The following LONP2 variants were observed in gnomAD, a reference collection of about 807,000 sequenced individuals.
LONP2 encodes lon peptidase 2, peroxisomal, also known as lon protease homolog 2, peroxisomal.
A neutral mutation model predicts 85.6 loss-of-function variants in LONP2; 60 were observed. The observed-to-expected ratio is 0.70, with a 90% CI of 0.57 to 0.87. The LOEUF (loss-of-function observed/expected upper bound fraction) is 0.87. LONP2 is among the 40% of genes least tolerant of loss of function. LONP2 has a pLI of 0.00. For synonymous variants in LONP2, 395 were observed against 389.7 expected (o/e 1.01, Z -0.16); for missense variants, 860 against 1,063.5 (o/e 0.81, Z 2.66).
chr16:48,303,616 G>A (rs754291908), intron 11 of LONP2, among the ~76,000 whole-genome samples: 1 of 152,160 alleles, frequency 6.6e-6, no homozygotes, highest in East Asian at 1.9e-4. Flanking sequence ...AGTTTAAGGA[G>A]TATTAACTCA....
At chr16:48,251,970 A>G (rs1971662306) in intron 1 of LONP2, among the ~76,000 whole-genome samples, 161 bp from the exon 2 acceptor site, 1 of 152,264 alleles carries the variant, frequency 6.6e-6, no homozygotes, top group Non-Finnish European at 1.5e-5. Context: ...GTGGCAGAAG[A>G]GGCCACATAC....
intron 11 of LONP2, among the ~76,000 whole-genome samples, chr16:48,318,215 C>A (rs1973186279): frequency 1.3e-5 from 2 of 152,086 alleles, no homozygotes; most frequent in South Asian, 2.1e-4. Flanking sequence ...TTCCAGACAA[C>A]CTCAATTTAA....
chr16:48,288,992 A>G (rs1972506128), intron 8 of LONP2, among the ~76,000 whole-genome samples: 1 of 152,196 alleles, frequency 6.6e-6, no homozygotes, highest in Non-Finnish European at 1.5e-5. Flanking sequence ...TTCTAATTAG[A>G]TAATTGTTTT....
chr16:48,362,267 T>C (rs377204678), downstream of LONP2: 61 of 1,614,032 alleles, frequency 3.8e-5, no homozygotes, highest in Middle Eastern at 3.3e-4. The surrounding 1 kb of genome is among the most constrained non-coding windows in gnomAD (Gnocchi z 4.2). Context: ...CACTCTGACA[T>C]TGAAGAATGG....
intron 7 of LONP2, among the ~76,000 whole-genome samples, chr16:48,272,333 G>C (rs1567316964): frequency 6.6e-6 from 1 of 152,080 alleles, no homozygotes; most frequent in African/African-American, 2.4e-5. Flanking sequence ...AGAATTATGG[G>C]AAAATGCATT....
chr16:48,362,319 C>T, downstream of LONP2: 3 of 1,614,156 alleles, frequency 1.9e-6, no homozygotes, highest in Non-Finnish European at 2.5e-6. The surrounding 1 kb of genome is among the most constrained non-coding windows in gnomAD (Gnocchi z 4.2). Flanking sequence ...CTCAAAAAGA[C>T]TCGCCAAGTC....
In LONP2 at chr16:48,346,520, T is replaced by C. The variant is rs1479803059; in HGVS notation, c.1939-987T>C. ...ATGGGAAGGAACCCAGGATGTTTAT[T>C]ATGTAGTATTGTATAGTCTCTGCAG... On this transcript the variant is annotated intron_variant, in intron 12 of 14. Transcript: ENST00000285737. Among the ~76,000 whole-genome samples the C allele has an allele frequency of 5.3e-5, 8 of 152,186 alleles. No homozygotes were observed. In the South Asian group the frequency reaches 8.3e-4, roughly 16 times the overall value.
At chr16:48,295,131 G>A (rs1972639855) in intron 8 of LONP2, among the ~76,000 whole-genome samples, 1 of 152,134 alleles carries the variant, frequency 6.6e-6, no homozygotes, top group South Asian at 2.1e-4. Flanking sequence ...CAGTACTTTG[G>A]GAGACTGAGG....
chr16:48,315,881 T>G (rs1188977710), intron 11 of LONP2, among the ~76,000 whole-genome samples: 1 of 151,970 alleles, frequency 6.6e-6, no homozygotes, highest in Admixed American at 6.6e-5. Context: ...TCTGTTGCCC[T>G]GTATTCCAGT....
At chr16:48,306,476 TCTC>T in intron 11 of LONP2, among the ~76,000 whole-genome samples, 1 of 152,302 alleles carries the variant, frequency 6.6e-6, no homozygotes, top group East Asian at 1.9e-4. Context: ...TCACAGGACA[TCTC>T]CTAAAAGATA....
intron 12 of LONP2, chr16:48,334,659 T>G (rs2151024963): frequency 1.7e-6 from 1 of 597,928 alleles, no homozygotes; most frequent in Non-Finnish European, 3.2e-6. Context: ...AGGCGCAGGG[T>G]GGACTCTTTC....
chr16:48,324,360 A>C (rs1973327349), intron 11 of LONP2, among the ~76,000 whole-genome samples: 1 of 152,204 alleles, frequency 6.6e-6, no homozygotes, highest in African/African-American at 2.4e-5. Flanking sequence ...GTTGAGATGT[A>C]AACATCTCCT....
intron 1 of LONP2, 91 bp downstream of exon 1, chr16:48,244,712 T>A (rs1171395805): frequency 2.1e-6 from 2 of 966,096 alleles, no homozygotes; most frequent in African/African-American, 1.7e-5. Flanking sequence ...AGCGCGAGGC[T>A]CAGTTCGGGG....
chr16:48,292,514 AG>A (rs1404794523), intron 8 of LONP2, among the ~76,000 whole-genome samples: 2 of 152,214 alleles, frequency 1.3e-5, no homozygotes, highest in Non-Finnish European at 2.9e-5. Flanking sequence ...TGAGTAAAAG[AG>A]GAAGGCAGGC....
intron 11 of LONP2, among the ~76,000 whole-genome samples, chr16:48,304,466 G>A (rs1191019058): frequency 2.6e-5 from 4 of 152,196 alleles, no homozygotes; most frequent in Admixed American, 2.6e-4. Flanking sequence ...CACTTTGGAA[G>A]GTTGAGGCAG....
chr16:48,296,260 T>C (rs772482774), intron 9 of LONP2, 95 bp downstream of exon 9: 12 of 1,299,990 alleles, frequency 9.2e-6, no homozygotes, highest in Non-Finnish European at 1.3e-5. Context: ...AAGAAGTTCA[T>C]TTGCCAACAT....
intron 8 of LONP2, among the ~76,000 whole-genome samples, chr16:48,294,069 T>C (rs531377423): frequency 8.9e-4 from 135 of 152,302 alleles, no homozygotes; most frequent in African/African-American, 3.1e-3. Flanking sequence ...CCCGAGTAGC[T>C]GGAGCTACAG....
At chr16:48,306,486 G>T (rs1271605817) in intron 11 of LONP2, among the ~76,000 whole-genome samples, 4 of 152,152 alleles carry the variant, frequency 2.6e-5, no homozygotes, top group Non-Finnish European at 4.4e-5. Context: ...TCTCCTAAAA[G>T]ATAATATAGT....
In LONP2 at chr16:48,264,407, A is replaced by T. The variant is rs143687757; in HGVS notation, c.982+1535A>T. Among the ~76,000 whole-genome samples, 31 of 152,242 alleles carry T rather than the reference A, an allele frequency of 2.0e-4. No homozygotes were observed. The East Asian group carries it at 6.0e-3, about 29-fold the overall frequency. On this transcript the variant is annotated intron_variant, in intron 6 of 14. Transcript: ENST00000285737. ...AAAAGAATTCAGCGATATTTCTTCC[A>T]TTTGCTTTTGAAAGAAGAGAAATAT...
Sources: allele counts gnomAD v4.1 joint callset (sites outside exome capture counted in the v4.1 genomes callset), GRCh38; gene constraint gnomAD v4.1.1; non-coding constraint Gnocchi (gnomAD v3.1); transcripts MANE v1.5; gene names NCBI Gene and HGNC (gene_info 2026-07-23, HGNC 2026-07-21).